MAP3K13: variants seen among roughly 807,000 people sequenced by gnomAD.
The protein encoded by MAP3K13 is mitogen-activated protein kinase kinase kinase 13.
MAP3K13 carries 52 observed loss-of-function variants against 104.0 expected under a neutral mutation model. That is an observed-to-expected ratio of 0.50 (90% CI 0.40 to 0.63). MAP3K13 has a LOEUF of 0.63. MAP3K13 is among the 20% of genes least tolerant of loss of function. The pLI, the probability that MAP3K13 is intolerant of heterozygous loss-of-function variation, is 0.00. For missense variants in MAP3K13, 914 were observed against 1,218.5 expected, an observed-to-expected ratio of 0.75 and a Z score of 3.72; for synonymous variants, 394 against 442.2, an observed-to-expected ratio of 0.89 and a Z score of 1.37.
chr3:185,488,230 G>A lies in MAP3K13; in HGVS notation c.*5774G>A, dbSNP rs1461648175. The A allele has an allele frequency of 2.0e-5, 3 of 152,310 alleles. No homozygotes were observed. In the East Asian group the frequency reaches 5.8e-4, roughly 29 times the overall value. 9.4% of individuals were successfully genotyped at this position (152,310 alleles called of 1,614,324 possible). A position where few individuals can be genotyped will look rare whatever the true frequency, so the allele number is the denominator to read the frequency against. On this transcript the variant is annotated 3_prime_UTR_variant, in exon 14 of 14. Transcript: ENST00000265026. Reference sequence around the variant, plus strand: ...AGACTTTGACTTGTACGGTCAGTATGAATTTAGTGCCTTTCCAGGCAGCAA... The same window carrying A: ...AGACTTTGACTTGTACGGTCAGTATAAATTTAGTGCCTTTCCAGGCAGCAA...
chr3:185,311,985 T>C (rs1156902736), intron 2 of MAP3K13, among the ~76,000 whole-genome samples: 1 of 152,224 alleles, frequency 6.6e-6, no homozygotes, highest in African/African-American at 2.4e-5. Flanking sequence ...TGAATATAAG[T>C]TGTGAAACTT....
chr3:185,309,547 A>G (rs1721427311), intron 2 of MAP3K13, among the ~76,000 whole-genome samples: 1 of 152,040 alleles, frequency 6.6e-6, no homozygotes, highest in Non-Finnish European at 1.5e-5. Flanking sequence ...AAAAAGAAAC[A>G]AAAAGATTGG....
intron 2 of MAP3K13, among the ~76,000 whole-genome samples, chr3:185,338,389 T>A (rs954786665): frequency 1.6e-4 from 23 of 148,294 alleles, no homozygotes; most frequent in African/African-American, 5.2e-4. Context: ...TTTAAGAAAC[T>A]GTAAAAAAGA....
intron 10 of MAP3K13, among the ~76,000 whole-genome samples, chr3:185,471,185 GT>G (rs1442719469): frequency 6.6e-6 from 1 of 151,768 alleles, no homozygotes; most frequent in Non-Finnish European, 1.5e-5. Context: ...TTCTGCTAAT[GT>G]TTTGGCTAAC....
In MAP3K13 at chr3:185,317,160, C is replaced by T. The variant is rs552150972; in HGVS notation, c.-86+31517C>T. On this transcript the variant is annotated intron_variant, in intron 2 of 14. Transcript: ENST00000424227. ...AACTCAGATTATGAAATCTGAGTTACGTTTTTTCAGCCCTGAAAACAGCTT... is the reference window on the plus strand; with the variant it reads ...AACTCAGATTATGAAATCTGAGTTATGTTTTTTCAGCCCTGAAAACAGCTT... 1.7e-4 allele frequency among the ~76,000 whole-genome samples: 26 copies of T among 152,218 alleles called. No individual in the cohort carries two copies. In the East Asian group the frequency reaches 4.8e-3, roughly 28 times the overall value.
chr3:185,455,680 A>AGATATATATAT (rs1716613296), intron 7 of MAP3K13, among the ~76,000 whole-genome samples: 1 of 11,922 alleles, frequency 8.4e-5, no homozygotes, highest in East Asian at 1.9e-3. Context: ...TATATATATG[A>AGATATATATAT]GATATATATA....
At chr3:185,317,752 G>A (rs1030761968) in intron 2 of MAP3K13, among the ~76,000 whole-genome samples, 1 of 151,972 alleles carries the variant, frequency 6.6e-6, no homozygotes, top group African/African-American at 2.4e-5. Context: ...TTCTTAAATG[G>A]CCTAAGTGGG....
chr3:185,306,367 C>T (rs2108682937), intron 2 of MAP3K13, among the ~76,000 whole-genome samples: 1 of 152,330 alleles, frequency 6.6e-6, no homozygotes, highest in African/African-American at 2.4e-5. Flanking sequence ...CTGCTTTCCA[C>T]AGTGGCTGAA....
In MAP3K13 at chr3:185,454,845, TGA is replaced by T. The variant is rs1459903015; in HGVS notation, c.1278+3453_1278+3454del. On this transcript the variant is annotated intron_variant, in intron 7 of 13. Coordinates refer to ENST00000265026, the MANE Select transcript of MAP3K13 (RefSeq NM_004721.5). ...ATGAGATATATACATGATATATATA[TGA>T]GATATATACATGATATATATATGAG... 8.1e-5 allele frequency among the ~76,000 whole-genome samples: 7 copies of T among 86,248 alleles called. 1 individual carries two copies. The highest frequency in any genetic ancestry group is 3.8e-4 in the South Asian group (1 of 2,602). The allele number at this position is 86,248 out of a possible 152,430, so 56.6% of individuals were successfully genotyped here. A position where few individuals can be genotyped will look rare whatever the true frequency, so the allele number is the denominator to read the frequency against.
At chr3:185,309,068 A>G (rs1721404512) in intron 2 of MAP3K13, among the ~76,000 whole-genome samples, 1 of 152,278 alleles carries the variant, frequency 6.6e-6, no homozygotes, top group Admixed American at 6.5e-5. Flanking sequence ...GCCGCACACT[A>G]TTCCAGTGTG....
At chr3:185,462,585 C>T (rs1717170614) in intron 7 of MAP3K13, among the ~76,000 whole-genome samples, 1 of 152,094 alleles carries the variant, frequency 6.6e-6, no homozygotes, top group East Asian at 1.9e-4. Flanking sequence ...CCAGCCTGGA[C>T]AACAAGGTGA....
chr3:185,292,544 C>T, intron 2 of MAP3K13: 8 of 560,844 alleles, frequency 1.4e-5, no homozygotes, highest in Non-Finnish European at 1.8e-5. Context: ...TTCCCCCCGG[C>T]CTACCTCACA....
At chr3:185,344,270 A>G (rs919028882) in intron 2 of MAP3K13, among the ~76,000 whole-genome samples, 1 of 152,154 alleles carries the variant, frequency 6.6e-6, no homozygotes, top group African/African-American at 2.4e-5. Flanking sequence ...GGTGGTAAAG[A>G]AAAGGGGAGT....
intron 2 of MAP3K13, among the ~76,000 whole-genome samples, chr3:185,306,574 C>G (rs1721293482): frequency 6.6e-6 from 1 of 152,066 alleles, no homozygotes; most frequent in African/African-American, 2.4e-5. Context: ...GCATGTATGT[C>G]TTGTTTTGAG....
At chr3:185,305,583 C>T (rs1245791688) in intron 2 of MAP3K13, among the ~76,000 whole-genome samples, 1 of 152,106 alleles carries the variant, frequency 6.6e-6, no homozygotes, top group African/African-American at 2.4e-5. Flanking sequence ...TTTACCTTTA[C>T]AGAGAGCTTT....
intron 1 of MAP3K13, among the ~76,000 whole-genome samples, chr3:185,382,985 A>G (rs1316000971): frequency 2.7e-5 from 4 of 150,286 alleles, no homozygotes; most frequent in Non-Finnish European, 4.4e-5. Context: ...AGCATTAGGT[A>G]TATCTCCCAA....
chr3:185,432,013 C>T (rs1237799451), intron 2 of MAP3K13, among the ~76,000 whole-genome samples: 1 of 151,974 alleles, frequency 6.6e-6, no homozygotes, highest in Non-Finnish European at 1.5e-5. Flanking sequence ...CTTTCATTTT[C>T]CCTCCACCCC....
At chr3:185,293,138 G>C (rs962304963) in intron 2 of MAP3K13, 47 of 756,346 alleles carry the variant, frequency 6.2e-5, no homozygotes, top group Non-Finnish European at 6.9e-5. Context: ...TTTTTTTTGA[G>C]ACAGAGTCTG....
At chr3:185,455,422 TG>T (rs1376664797) in intron 7 of MAP3K13, among the ~76,000 whole-genome samples, 3 of 47,058 alleles carry the variant, frequency 6.4e-5, no homozygotes, top group Admixed American at 6.0e-4. Context: ...GAGATATATA[TG>T]ATATATATGA....
Sources: allele counts gnomAD v4.1 joint callset (sites outside exome capture counted in the v4.1 genomes callset), GRCh38; gene constraint gnomAD v4.1.1; transcripts MANE v1.5; gene names NCBI Gene and HGNC (gene_info 2026-07-23, HGNC 2026-07-21).